Variants in PSD3 observed in about 807,000 individuals in gnomAD.
The protein encoded by PSD3 is PH and SEC7 domain-containing protein 3.
In PSD3, 49 loss-of-function variants were observed where a neutral mutation model predicts 105.5. The ratio of observed to expected loss-of-function variants is 0.46; its 90% confidence interval spans 0.37 to 0.59. The LOEUF is 0.59. Ranked by LOEUF, PSD3 falls within the 20% of genes least tolerant of loss-of-function variation. The pLI is 0.00. For missense variants in PSD3, 1,561 were observed against 1,263.8 expected (o/e 1.24, Z -3.57); for synonymous variants, 557 against 457.8 (o/e 1.22, Z -2.77).
chr8:18,901,926 AT>A, intron 2 of PSD3, among the ~76,000 whole-genome samples: 1 of 152,128 alleles, frequency 6.6e-6, no homozygotes, highest in Non-Finnish European at 1.5e-5. Flanking sequence ...CTTAGATGTG[AT>A]TTGACTCTCC....
intron 8 of PSD3, chr8:18,774,918 C>G (rs777590266): frequency 8.8e-6 from 4 of 456,042 alleles, no homozygotes; most frequent in Non-Finnish European, 1.8e-5. Flanking sequence ...ATCTTGGCTA[C>G]GGCTGCAAAA....
At chr8:18,929,513 G>A (rs2129468360) in intron 2 of PSD3, among the ~76,000 whole-genome samples, 1 of 152,246 alleles carries the variant, frequency 6.6e-6, no homozygotes, top group Admixed American at 6.5e-5. Context: ...CAGCAAGGCA[G>A]TTAGCATGGG....
intron 9 of PSD3, among the ~76,000 whole-genome samples, chr8:18,677,947 T>C (rs193030983): frequency 1.4e-4 from 21 of 151,222 alleles, no homozygotes; most frequent in Admixed American, 1.2e-3. Context: ...GAGGCAGAGC[T>C]TGCAGTGAGC....
At chr8:19,022,922 A>C (rs1827411446) in intron 1 of PSD3, among the ~76,000 whole-genome samples, 1 of 149,844 alleles carries the variant, frequency 6.7e-6, no homozygotes, top group Admixed American at 6.7e-5. Flanking sequence ...ACTTGGACGT[A>C]CTTTGCTGTG....
intron 8 of PSD3, among the ~76,000 whole-genome samples, chr8:18,797,163 G>C (rs1322112474): frequency 6.6e-6 from 1 of 152,084 alleles, no homozygotes; most frequent in Non-Finnish European, 1.5e-5. Flanking sequence ...ATATTCAACA[G>C]ACTTGTAACA....
intron 14 of PSD3, among the ~76,000 whole-genome samples, chr8:18,558,772 G>C (rs1281324085): frequency 6.6e-6 from 1 of 152,170 alleles, no homozygotes; most frequent in Non-Finnish European, 1.5e-5. Flanking sequence ...AGTGAGTCGA[G>C]GTTGCGCCAC....
At chr8:18,749,713 G>C (rs1340304757) in intron 9 of PSD3, among the ~76,000 whole-genome samples, 1 of 152,144 alleles carries the variant, frequency 6.6e-6, no homozygotes, top group Admixed American at 6.5e-5. Flanking sequence ...AAGAGGATGA[G>C]GAGGTCAGAC....
intron 11 of PSD3, among the ~76,000 whole-genome samples, chr8:18,616,640 T>TTTTTG (rs1805699359): frequency 7.0e-6 from 1 of 142,590 alleles, no homozygotes. Flanking sequence ...TTTTTTTTTT[T>TTTTTG]TGAGACGGAG....
At chr8:18,980,779 G>C (rs764003785) in intron 1 of PSD3, among the ~76,000 whole-genome samples, 4 of 152,008 alleles carry the variant, frequency 2.6e-5, no homozygotes, top group African/African-American at 9.7e-5. Flanking sequence ...GTTATTTGAC[G>C]CTTCTGCCTG....
At chr8:18,789,828 G>C (rs335251) in intron 8 of PSD3, among the ~76,000 whole-genome samples, 66,608 of 151,986 alleles carry the variant, frequency 0.44, 15,427 homozygotes, top group African/African-American at 0.59. Flanking sequence ...TCAATTTGCA[G>C]AAAGTAAGAA....
chr8:18,895,574 G>A (rs1320974600), intron 2 of PSD3, among the ~76,000 whole-genome samples: 1 of 152,194 alleles, frequency 6.6e-6, no homozygotes. Flanking sequence ...CTCTAAGCAA[G>A]TTTGCTAGAT....
In PSD3 at chr8:18,685,437, T is replaced by A. The variant is rs558510954; in HGVS notation, c.2173-29752A>T. On this transcript the variant is annotated intron_variant, in intron 9 of 15. Coordinates refer to ENST00000327040, the MANE Select transcript of PSD3 (RefSeq NM_015310.4). ...TACATTTTTTTTTTTTAACTTTTCA[T>A]CTCCTATTTTTAAAGCACTTAGTGC... Among the ~76,000 whole-genome samples, 6 of 152,096 alleles carry A rather than the reference T, an allele frequency of 3.9e-5. No individual in the cohort carries two copies. The East Asian group carries it at 7.7e-4, about 20-fold the overall frequency.
At chr8:18,616,514 C>T (rs780096648) in intron 11 of PSD3, among the ~76,000 whole-genome samples, 9 of 152,108 alleles carry the variant, frequency 5.9e-5, no homozygotes, top group African/African-American at 1.9e-4. Flanking sequence ...AAGAAACATT[C>T]ACCATCTATT....
At chr8:18,959,662 T>C (rs1823792422) in intron 1 of PSD3, among the ~76,000 whole-genome samples, 1 of 152,134 alleles carries the variant, frequency 6.6e-6, no homozygotes, top group South Asian at 2.1e-4. Flanking sequence ...ACATTACTTT[T>C]ATTACTGATA....
chr8:18,690,047 G>A (rs924514286), intron 9 of PSD3, among the ~76,000 whole-genome samples: 5 of 152,056 alleles, frequency 3.3e-5, no homozygotes, highest in African/African-American at 1.2e-4. Context: ...AATATTCCAC[G>A]AACACATATC....
chr8:18,535,682 G>C lies in PSD3; in HGVS notation c.*61C>G, dbSNP rs1799808956. The C allele has an allele frequency of 7.4e-7, 1 of 1,352,462 alleles. No homozygotes were observed. Among genetic ancestry groups the C allele is most frequent in the Non-Finnish European group, 1.1e-6 (1 of 949,156 alleles). 83.8% of individuals were successfully genotyped at this position (1,352,462 alleles called of 1,614,324 possible). A position where few individuals can be genotyped will look rare whatever the true frequency, so the allele number is the denominator to read the frequency against. ...TTTTAAATATATTCACGGATTACCA[G>C]AAAGATCTTGAAAAACCCTATTTTG... On this transcript the variant is annotated 3_prime_UTR_variant, in exon 16 of 16. Transcript: ENST00000327040.
intron 9 of PSD3, among the ~76,000 whole-genome samples, chr8:18,699,824 C>T (rs551628956): frequency 3.0e-4 from 45 of 151,600 alleles, no homozygotes; most frequent in Admixed American, 7.9e-4. Context: ...TAGGGTTTTT[C>T]GCAGTAACAC....
At chr8:18,813,414 T>C (rs1811883806) in intron 4 of PSD3, among the ~76,000 whole-genome samples, 1 of 152,174 alleles carries the variant, frequency 6.6e-6, no homozygotes, top group African/African-American at 2.4e-5. Context: ...AAGAATTCAG[T>C]AGATGTGAAC....
chr8:19,033,550 C>CT (rs1827842312), intron 1 of PSD3, among the ~76,000 whole-genome samples: 1 of 143,142 alleles, frequency 7.0e-6, no homozygotes, highest in African/African-American at 2.5e-5. Context: ...TTTTTTTTTT[C>CT]TTTTTTTAAA....
Sources: gnomAD v4.1 joint callset for allele counts (sites outside exome capture counted in the v4.1 genomes callset) on GRCh38, gnomAD v4.1.1 for gene constraint, MANE v1.5 for transcripts, NCBI Gene and HGNC (gene_info 2026-07-23, HGNC 2026-07-21) for gene names.